RBFOX3: variants seen among roughly 807,000 people sequenced by gnomAD.
RBFOX3 encodes the protein RNA binding fox-1 homolog 3, also known as RNA binding protein fox-1 homolog 3.
Under a neutral mutation model 48.7 loss-of-function variants are expected in RBFOX3, and 17 were observed. The observed-to-expected ratio is 0.35, with a 90% CI of 0.24 to 0.52. The LOEUF is 0.52. RBFOX3 is among the 20% of genes least tolerant of loss of function. The pLI is 0.94. For missense variants in RBFOX3, 382 were observed against 497.5 expected, an observed-to-expected ratio of 0.77 and a Z score of 2.21; for synonymous variants, 212 against 209.5, an observed-to-expected ratio of 1.01 and a Z score of -0.10.
intron 2 of RBFOX3, among the ~76,000 whole-genome samples, chr17:79,409,528 C>T (rs1247640103): frequency 6.6e-6 from 1 of 152,240 alleles, no homozygotes; most frequent in Non-Finnish European, 1.5e-5. Flanking sequence ...TATTTTCCTT[C>T]TGTGGCCTAT....
At chr17:79,356,348 G>GTTTTTTTTTTTTTTTTTTTTTTTTTTT (rs58040659) in intron 2 of RBFOX3, among the ~76,000 whole-genome samples, 1 of 47,270 alleles carries the variant, frequency 2.1e-5, no homozygotes, top group Non-Finnish European at 4.1e-5. Flanking sequence ...AAACAGGGAA[G>GTTTTTTTTTTTTTTTTTTTTTTTTTTT]TTTTTTTTTT....
chr17:79,104,400 C>G (rs981425331), intron 6 of RBFOX3, among the ~76,000 whole-genome samples: 1 of 152,128 alleles, frequency 6.6e-6, no homozygotes, highest in African/African-American at 2.4e-5. Flanking sequence ...GCTCTCCCAG[C>G]CTCTCCTGGA....
intron 3 of RBFOX3, among the ~76,000 whole-genome samples, chr17:79,261,881 G>A (rs2065844821): frequency 6.6e-6 from 1 of 152,178 alleles, no homozygotes; most frequent in Non-Finnish European, 1.5e-5. Flanking sequence ...AGGACTTCAG[G>A]TGCTCACGGC....
rs148296041 is a variant in RBFOX3 at position 79,170,138 on chromosome 17, GAGGGA to G, written c.-33-54395_-33-54391del. 1.8e-3 allele frequency among the ~76,000 whole-genome samples: 222 copies of G among 121,016 alleles called. 1 individual carries two copies. Among genetic ancestry groups the G allele is most frequent in the African/African-American group, 6.9e-3 (160 of 23,212 alleles). The allele number at this position is 121,016 out of a possible 152,430, so 79.4% of individuals were successfully genotyped here. On this transcript the variant is annotated intron_variant, in intron 4 of 14. Coordinates refer to ENST00000693108, the MANE Select transcript of RBFOX3 (RefSeq NM_001350451.2). ...AGGAAGGAAGGAAGGAAGGAGGAAG[GAGGGA>G]AGGAAGGAAGGGAGGAGGAAGGAGG...
At chr17:79,218,932 T>C (rs1368027169) in intron 4 of RBFOX3, among the ~76,000 whole-genome samples, 1 of 152,232 alleles carries the variant, frequency 6.6e-6, no homozygotes, top group Non-Finnish European at 1.5e-5. Flanking sequence ...AGCGGTGAGC[T>C]TGACCCTCGC....
At chr17:79,642,425 C>A in the RBFOX3 span, among the ~76,000 whole-genome samples, 90 of 152,192 alleles carry the variant, frequency 5.9e-4, 1 homozygote, top group African/African-American at 2.1e-3. Context: ...TTGCAGTAAC[C>A]ATTTCACAAT....
intron 1 of RBFOX3, among the ~76,000 whole-genome samples, chr17:79,491,324 G>C (rs1386413301): frequency 2.6e-5 from 4 of 151,858 alleles, no homozygotes; most frequent in African/African-American, 9.7e-5. Context: ...AACCAGATCA[G>C]GAAGTACCTT....
intron 2 of RBFOX3, among the ~76,000 whole-genome samples, chr17:79,444,233 G>A (rs1052701156): frequency 6.6e-6 from 1 of 152,154 alleles, no homozygotes; most frequent in African/African-American, 2.4e-5. Context: ...CACCCTCAGG[G>A]GTCAGCCAAC....
rs118018650 is a variant in RBFOX3, at chr17:79,341,497, C to T, written c.-174-33673G>A. Among the ~76,000 whole-genome samples the T allele has an allele frequency of 9.6e-3, 1,457 of 152,248 alleles. 30 individuals are homozygous for T. The highest frequency in any genetic ancestry group is 0.032 in the African/African-American group (1,316 of 41,534). ...TCGTGGGAGGCTGTTGCTGGGGGTC[C>T]GGCAATTACAGCACAGTGGCGGGTG... On this transcript the variant is annotated intron_variant, in intron 2 of 14. Coordinates refer to ENST00000693108, the MANE Select transcript of RBFOX3 (RefSeq NM_001350451.2).
At chr17:79,246,258 C>T (rs1600203894) in intron 3 of RBFOX3, among the ~76,000 whole-genome samples, 1 of 152,238 alleles carries the variant, frequency 6.6e-6, no homozygotes, top group East Asian at 1.9e-4. Flanking sequence ...GGCTGTGTGC[C>T]TCCGGGAGAG....
rs368591170 is a variant in RBFOX3 at position 79,298,686 on chromosome 17, G to A, written c.-74+9038C>T. Among the ~76,000 whole-genome samples the A allele has an allele frequency of 1.4e-4, 21 of 152,306 alleles. No individual in the cohort carries two copies. The East Asian group carries it at 2.5e-3, about 18-fold the overall frequency. On this transcript the variant is annotated intron_variant, in intron 3 of 14. Coordinates refer to ENST00000693108, the MANE Select transcript of RBFOX3 (RefSeq NM_001350451.2). Reference sequence around the variant, plus strand: ...TGTCAGAAGGTGCCCCCTGAGATCCGAGGGTCATCTCGCCGGCAGGGCCCA... The same window carrying A: ...TGTCAGAAGGTGCCCCCTGAGATCCAAGGGTCATCTCGCCGGCAGGGCCCA...
In RBFOX3 at chr17:79,090,056, T is replaced by C. The variant is rs1455031867; in HGVS notation, c.*827A>G. On this transcript the variant is annotated 3_prime_UTR_variant, in exon 15 of 15. Transcript: ENST00000693108. ...GCAGGCAGCACGAGGTCAGCCTTGG[T>C]GTACACAGGCCCCGGGCCTCCTCCA... is the stretch of plus-strand genomic sequence containing the variant. 6.6e-6 allele frequency: 1 copy of C among 152,308 alleles called. No homozygotes were observed. Among genetic ancestry groups the C allele is most frequent in the Non-Finnish European group, 1.5e-5 (1 of 68,138 alleles). The allele number at this position is 152,308 out of a possible 1,614,324, so 9.4% of individuals were successfully genotyped here. A position where few individuals can be genotyped will look rare whatever the true frequency, so the allele number is the denominator to read the frequency against.
intron 1 of RBFOX3, among the ~76,000 whole-genome samples, chr17:79,534,926 C>T (rs2088457260): frequency 6.6e-6 from 1 of 152,180 alleles, no homozygotes; most frequent in African/African-American, 2.4e-5. Flanking sequence ...GAGACAAAGA[C>T]CAGGGGGAGA....
At chr17:79,613,877 G>A (rs2093984035), upstream of RBFOX3, among the ~76,000 whole-genome samples, 3 of 152,344 alleles carry the variant, frequency 2.0e-5, no homozygotes, top group South Asian at 6.2e-4. Context: ...GGGAGGCTGA[G>A]GCAGGAGAAT....
intron 4 of RBFOX3, among the ~76,000 whole-genome samples, chr17:79,150,350 C>T (rs367747013): frequency 7.9e-5 from 12 of 152,036 alleles, no homozygotes; most frequent in Admixed American, 4.6e-4. Context: ...GCCTGGGACA[C>T]GCAGACAGTA....
chr17:79,168,835 C>T (rs996026858), intron 4 of RBFOX3, among the ~76,000 whole-genome samples: 1 of 147,428 alleles, frequency 6.8e-6, no homozygotes, highest in African/African-American at 2.7e-5. Context: ...GGCTTACATG[C>T]CGGGTGCGCC....
intron 4 of RBFOX3, among the ~76,000 whole-genome samples, chr17:79,230,474 T>A (rs78667025): frequency 0.25 from 37,381 of 150,660 alleles, 5,144 homozygotes; most frequent in Middle Eastern, 0.34. Flanking sequence ...TTGGCCAGGC[T>A]GGTCTCGATC....
intron 6 of RBFOX3, among the ~76,000 whole-genome samples, chr17:79,104,330 G>A (rs1453279997): frequency 6.6e-6 from 1 of 152,200 alleles, no homozygotes; most frequent in Admixed American, 6.5e-5. Context: ...GGCGATGGTG[G>A]GGATAGGGTG....
intron 4 of RBFOX3, 51 bp from the exon 5 acceptor site, chr17:79,115,799 G>C: frequency 3.3e-6 from 2 of 604,360 alleles, no homozygotes; most frequent in Non-Finnish European, 5.9e-6. Context: ...CCCCTTCCCG[G>C]AGCCCCTGAG....
Sources: gnomAD v4.1 joint callset for allele counts (sites outside exome capture counted in the v4.1 genomes callset) on GRCh38, gnomAD v4.1.1 for gene constraint, MANE v1.5 for transcripts, NCBI Gene and HGNC (gene_info 2026-07-23, HGNC 2026-07-21) for gene names.